The following DSTN variants were observed in gnomAD, a reference collection of about 807,000 sequenced individuals.
DSTN encodes the protein destrin.
DSTN carries 10 observed loss-of-function variants against 16.8 expected under a neutral mutation model. The ratio of observed to expected loss-of-function variants is 0.60; its 90% CI spans 0.37 to 1.01. The LOEUF (loss-of-function observed/expected upper bound fraction) is 1.01. Ranked by LOEUF, DSTN falls within the 50% of genes least tolerant of loss-of-function variation. The pLI is 0.01. For synonymous variants in DSTN, 57 were observed against 58.9 expected, an observed-to-expected ratio of 0.97 and a Z score of 0.14; for missense variants, 141 against 196.7, an observed-to-expected ratio of 0.72 and a Z score of 1.69.
intron 1 of DSTN, among the ~76,000 whole-genome samples, chr20:17,584,983 T>C (rs2035390151): frequency 6.6e-6 from 1 of 152,216 alleles, no homozygotes; most frequent in South Asian, 2.1e-4. Flanking sequence ...TGTCTGTTTT[T>C]TTAGTATTAT....
At chr20:17,576,313 C>T (rs2035277998) in intron 1 of DSTN, 1 of 153,472 alleles carries the variant, frequency 6.5e-6, no homozygotes, top group Non-Finnish European at 1.5e-5. Context: ...AGCGCAGCTG[C>T]TCATATAACC....
chr20:17,586,498 C>G (rs953096922), intron 1 of DSTN, among the ~76,000 whole-genome samples: 1 of 152,172 alleles, frequency 6.6e-6, no homozygotes, highest in African/African-American at 2.4e-5. Flanking sequence ...GAACTATTCC[C>G]TTCTCTTTGC....
rs1217912773 is a variant in DSTN, at chr20:17,606,278, A to G, written c.389-759A>G. 5.3e-5 allele frequency among the ~76,000 whole-genome samples: 8 copies of G among 152,358 alleles called. No homozygotes were observed. In the East Asian group the frequency reaches 1.5e-3, roughly 29 times the overall value. On this transcript the variant is annotated intron_variant, in intron 3 of 3. Transcript: ENST00000246069. ...ATAACCATGCAGCTATTTAAAAGAC[A>G]GTGGCCATTTACAGAGAAGCTACTG... is the stretch of plus-strand genomic sequence containing the variant.
rs141839546 is a variant in DSTN, at chr20:17,591,231, CTTTTG to C, written c.4-9502_4-9498del. On this transcript the variant is annotated intron_variant, in intron 1 of 3. Transcript: ENST00000246069. ...ATTCTGTATATTGGTGTTACAGCCA[CTTTTG>C]TTTTAATATTCACCATGATGTTGTT... is the stretch of plus-strand genomic sequence containing the variant. Among the ~76,000 whole-genome samples the C allele has an allele frequency of 8.6e-3, 1,303 of 152,238 alleles. 17 individuals are homozygous for C. The highest frequency in any genetic ancestry group is 0.03 in the African/African-American group (1,247 of 41,524).
chr20:17,578,458 A>G (rs973589234), intron 1 of DSTN, among the ~76,000 whole-genome samples: 2 of 152,242 alleles, frequency 1.3e-5, no homozygotes, highest in East Asian at 1.9e-4. Flanking sequence ...TGTATACTGC[A>G]TGATAATTTA....
At chr20:17,600,221 T>C (rs2035571636) in intron 1 of DSTN, among the ~76,000 whole-genome samples, 2 of 152,224 alleles carry the variant, frequency 1.3e-5, no homozygotes, top group South Asian at 4.1e-4. Flanking sequence ...TGACTAATAC[T>C]GAATATTGAT....
At chr20:17,604,755 G>T (rs1260865853) in intron 3 of DSTN, 124 bp downstream of exon 3, 2 of 865,884 alleles carry the variant, frequency 2.3e-6, no homozygotes, top group East Asian at 5.3e-5. Context: ...AGTGTTACTT[G>T]TTTTGAGAAA....
chr20:17,587,353 A>C (rs915898004), intron 1 of DSTN, among the ~76,000 whole-genome samples: 1 of 151,830 alleles, frequency 6.6e-6, no homozygotes, highest in Non-Finnish European at 1.5e-5. Context: ...TGCATTCTCC[A>C]CCTCCTGGGC....
At chr20:17,575,464 ATT>A (rs201071241) in intron 1 of DSTN, among the ~76,000 whole-genome samples, 34 of 141,768 alleles carry the variant, frequency 2.4e-4, no homozygotes, top group Non-Finnish European at 2.8e-4. Context: ...TTGTGAAAGC[ATT>A]TTTTTTTTTT....
chr20:17,571,058 A>G (rs901839932), intron 1 of DSTN, among the ~76,000 whole-genome samples: 4 of 152,230 alleles, frequency 2.6e-5, no homozygotes, highest in African/African-American at 9.6e-5. Flanking sequence ...GAAAGTAAAC[A>G]GGTGCTCATT....
At chr20:17,575,858 G>A (rs1018108999) in intron 1 of DSTN, among the ~76,000 whole-genome samples, 2 of 151,988 alleles carry the variant, frequency 1.3e-5, no homozygotes, top group African/African-American at 4.8e-5. Flanking sequence ...CTTCTCTTGT[G>A]GCATAACATT....
At chr20:17,572,236 C>T (rs923146115) in intron 1 of DSTN, among the ~76,000 whole-genome samples, 2 of 152,142 alleles carry the variant, frequency 1.3e-5, no homozygotes, top group Non-Finnish European at 2.9e-5. Context: ...ACCAGCTGGG[C>T]GCTTCAGGAT....
At chr20:17,577,087 T>C (rs1419566412) in intron 1 of DSTN, among the ~76,000 whole-genome samples, 1 of 152,196 alleles carries the variant, frequency 6.6e-6, no homozygotes, top group Non-Finnish European at 1.5e-5. Flanking sequence ...TTTCAGGCTA[T>C]GGGTATAAAG....
At chr20:17,600,374 A>G (rs1365961296) in intron 1 of DSTN, among the ~76,000 whole-genome samples, 1 of 152,192 alleles carries the variant, frequency 6.6e-6, no homozygotes, top group Non-Finnish European at 1.5e-5. Flanking sequence ...AATTTTAGGT[A>G]TCATGAATAT....
At chr20:17,583,313 C>A (rs540691942) in intron 1 of DSTN, among the ~76,000 whole-genome samples, 2 of 56,958 alleles carry the variant, frequency 3.5e-5, no homozygotes, top group Non-Finnish European at 3.3e-5. Flanking sequence ...TGGGAGCTAC[C>A]GTATGACTCA....
At chr20:17,581,632 T>C (rs945594540) in intron 1 of DSTN, among the ~76,000 whole-genome samples, 1 of 152,192 alleles carries the variant, frequency 6.6e-6, no homozygotes, top group Non-Finnish European at 1.5e-5. Flanking sequence ...ATAATTTGGA[T>C]GTGTGGCATA....
chr20:17,574,334 T>G (rs1242012319), intron 1 of DSTN, among the ~76,000 whole-genome samples: 2 of 152,176 alleles, frequency 1.3e-5, no homozygotes, highest in Non-Finnish European at 2.9e-5. Flanking sequence ...CTCTGTTAAT[T>G]CTATCCACCT....
intron 1 of DSTN, among the ~76,000 whole-genome samples, chr20:17,590,127 T>C (rs2035454048): frequency 6.6e-6 from 1 of 152,228 alleles, no homozygotes; most frequent in Admixed American, 6.5e-5. Flanking sequence ...AAAATCAAAT[T>C]AGAAAAATTT....
At chr20:17,603,984 G>A (rs1357688739) in intron 2 of DSTN, among the ~76,000 whole-genome samples, 1 of 152,174 alleles carries the variant, frequency 6.6e-6, no homozygotes, top group Non-Finnish European at 1.5e-5. Context: ...ACTTTTATTT[G>A]TAATTTATTC....
Sources: gnomAD v4.1 joint callset for allele counts (sites outside exome capture counted in the v4.1 genomes callset) on GRCh38, gnomAD v4.1.1 for gene constraint, MANE v1.5 for transcripts, NCBI Gene and HGNC (gene_info 2026-07-23, HGNC 2026-07-21) for gene names.